Variants in GPR19 observed in about 807,000 individuals in gnomAD.
The protein encoded by GPR19 is probable G protein-coupled receptor 19.
GPR19 carries 14 observed loss-of-function variants against 28.5 expected under a neutral mutation model. The observed-to-expected ratio is 0.49, with a 90% CI of 0.32 to 0.77. The LOEUF (loss-of-function observed/expected upper bound fraction) is 0.77. GPR19 is among the 30% of genes least tolerant of loss of function. GPR19 has a pLI of 0.03. For synonymous variants in GPR19, 173 were observed against 184.1 expected, an observed-to-expected ratio of 0.94 and a Z score of 0.49; for missense variants, 409 against 504.1, an observed-to-expected ratio of 0.81 and a Z score of 1.81.
chr12:12,680,214 A>G (rs1280832545), intron 3 of GPR19, among the ~76,000 whole-genome samples: 1 of 152,234 alleles, frequency 6.6e-6, no homozygotes, highest in African/African-American at 2.4e-5. Flanking sequence ...GTGATATAGT[A>G]AAAAGAGCAC....
upstream of GPR19, chr12:12,696,357 T>C (rs960886282): frequency 2.1e-4 from 9 of 42,694 alleles, no homozygotes; most frequent in African/African-American, 6.8e-4. Context: ...TTTTTTTTTT[T>C]TTTTTTTTTT....
intron 3 of GPR19, among the ~76,000 whole-genome samples, chr12:12,671,645 C>T (rs1440904336): frequency 6.6e-6 from 1 of 152,168 alleles, no homozygotes; most frequent in East Asian, 1.9e-4. Context: ...AAAACAGCTT[C>T]TTCTAACTTC....
chr12:12,696,024 T>C (rs1452000904), intron 1 of GPR19, 41 bp downstream of exon 1: 1 of 152,144 alleles, frequency 6.6e-6, no homozygotes, highest in East Asian at 1.9e-4. Context: ...CCTCACAGAG[T>C]TCACGGCCAA....
chr12:12,701,170 TA>T (rs1048010575), upstream of GPR19, among the ~76,000 whole-genome samples: 50 of 152,358 alleles, frequency 3.3e-4, no homozygotes, highest in African/African-American at 1.2e-3. Flanking sequence ...CTTAATGTTG[TA>T]AAAAACTCTT....
intron 1 of GPR19, among the ~76,000 whole-genome samples, 197 bp from the exon 2 acceptor site, chr12:12,695,708 C>A (rs12582902): frequency 0.087 from 13,200 of 152,188 alleles, 659 homozygotes; most frequent in East Asian, 0.18. Flanking sequence ...TAAATGCATG[C>A]CATTTCTGCC....
chr12:12,662,014 T>C lies in GPR19; in HGVS notation c.435A>G (p.Gln145=), dbSNP rs1447135345. Reference sequence around the variant, plus strand: ...AGATCTGGACACCTGGAGTGAGATATTGAAAATATCGCACAACCTTGCACG... The same window carrying C: ...AGATCTGGACACCTGGAGTGAGATACTGAAAATATCGCACAACCTTGCACG... ...SATCKVVRYF[Q]YLTPGVQIYV... is the part of the protein sequence containing the mutation. Residue 145 remains glutamine, a synonymous_variant, in exon 4 of 4, where the codon CAA becomes CAG. Coordinates refer to ENST00000651487, the MANE Select transcript of GPR19 (RefSeq NM_006143.3). 1.9e-6 allele frequency: 3 copies of C among 1,614,188 alleles called. No individual in the cohort carries two copies. Among genetic ancestry groups the C allele is most frequent in the East Asian group, 4.5e-5 (2 of 44,888 alleles).
intron 3 of GPR19, among the ~76,000 whole-genome samples, chr12:12,680,654 G>C (rs1200318638): frequency 1.3e-5 from 2 of 151,640 alleles, no homozygotes; most frequent in Non-Finnish European, 2.9e-5. Flanking sequence ...CCGCAGGTGT[G>C]TGCCACCACA....
intron 3 of GPR19, among the ~76,000 whole-genome samples, chr12:12,671,016 A>C (rs958357434): frequency 6.6e-6 from 1 of 152,104 alleles, no homozygotes; most frequent in African/African-American, 2.4e-5. Flanking sequence ...TTCTGCTTAA[A>C]TTATTTCCAT....
chr12:12,685,606 T>G (rs1209409524), intron 2 of GPR19, among the ~76,000 whole-genome samples: 2 of 152,304 alleles, frequency 1.3e-5, no homozygotes, highest in East Asian at 1.9e-4. Flanking sequence ...ACTGAATTGC[T>G]GAGGAGGGAT....
intron 3 of GPR19, among the ~76,000 whole-genome samples, chr12:12,667,286 TA>T (rs1170501582): frequency 5.3e-5 from 8 of 152,276 alleles, no homozygotes; most frequent in Admixed American, 2.0e-4. Flanking sequence ...TATCTCTACC[TA>T]TATATGATCT....
At chr12:12,690,875 A>C (rs1022221900) in intron 2 of GPR19, among the ~76,000 whole-genome samples, 1 of 152,024 alleles carries the variant, frequency 6.6e-6, no homozygotes, top group African/African-American at 2.4e-5. Context: ...GGCTGTTGGC[A>C]ATTTTGCCTT....
chr12:12,677,931 G>A (rs1945955852), intron 3 of GPR19, among the ~76,000 whole-genome samples: 2 of 151,726 alleles, frequency 1.3e-5, no homozygotes, highest in Admixed American at 6.6e-5. Context: ...AAAATTAGCT[G>A]GGCGTGGTGG....
chr12:12,667,412 C>T (rs987042229), intron 3 of GPR19, among the ~76,000 whole-genome samples: 5 of 152,148 alleles, frequency 3.3e-5, no homozygotes, highest in Non-Finnish European at 5.9e-5. Context: ...AACTGGGGGC[C>T]AGGCATGGTG....
intron 3 of GPR19, among the ~76,000 whole-genome samples, chr12:12,665,425 G>C (rs995317610): frequency 1.3e-5 from 2 of 152,212 alleles, no homozygotes; most frequent in Admixed American, 1.3e-4. Flanking sequence ...GGACGAGGGA[G>C]CCCGAGGAGT....
At chr12:12,673,406 A>G (rs1170561683) in intron 3 of GPR19, among the ~76,000 whole-genome samples, 1 of 152,126 alleles carries the variant, frequency 6.6e-6, no homozygotes, top group East Asian at 1.9e-4. Context: ...AAGTCCTGAG[A>G]CTCACCGGGA....
At chr12:12,701,079 G>A (rs1946320505), upstream of GPR19, among the ~76,000 whole-genome samples, 1 of 152,110 alleles carries the variant, frequency 6.6e-6, no homozygotes, top group Admixed American at 6.5e-5. Flanking sequence ...CGAGGATTTT[G>A]TCTTTTTTAT....
upstream of GPR19, among the ~76,000 whole-genome samples, chr12:12,697,153 T>TTAAAAAAAAA (rs1182547131): frequency 2.0e-5 from 1 of 48,846 alleles, no homozygotes; most frequent in Admixed American, 3.8e-4. Flanking sequence ...TGAAGCGAAG[T>TTAAAAAAAAA]AAAAAAAAAA....
intron 3 of GPR19, among the ~76,000 whole-genome samples, chr12:12,677,363 G>A (rs758871202): frequency 6.6e-6 from 1 of 151,942 alleles, no homozygotes; most frequent in African/African-American, 2.4e-5. Context: ...TGTGCACCAC[G>A]TGCAGCTAAT....
At chr12:12,716,895 G>A in the GPR19 span, 57 of 984,800 alleles carry the variant, frequency 5.8e-5, no homozygotes, top group East Asian at 5.2e-3. Context: ...AGACCACGAG[G>A]TGGGGGCCGC....
Sources: allele counts gnomAD v4.1 joint callset (sites outside exome capture counted in the v4.1 genomes callset), GRCh38; gene constraint gnomAD v4.1.1; transcripts MANE v1.5; gene names NCBI Gene and HGNC (gene_info 2026-07-23, HGNC 2026-07-21).